The following THSD4 variants were observed in gnomAD, a reference collection of about 807,000 sequenced individuals.
The protein encoded by THSD4 is thrombospondin type 1 domain containing 4.
In THSD4, 69 loss-of-function variants were observed where a neutral mutation model predicts 119.0. That is an observed-to-expected ratio of 0.58 (90% CI 0.48 to 0.71). THSD4 has a LOEUF of 0.71. Among genes scored for constraint, THSD4 ranks in the 30% least tolerant of loss-of-function variants. The pLI, the probability that THSD4 is intolerant of heterozygous loss-of-function variation, is 0.00. For missense variants in THSD4, 1,393 were observed against 1,391.1 expected (o/e 1.00, Z -0.02); for synonymous variants, 524 against 540.4 (o/e 0.97, Z 0.42).
chr15:71,365,585 A>G (rs2045951019), intron 6 of THSD4, among the ~76,000 whole-genome samples: 1 of 152,166 alleles, frequency 6.6e-6, no homozygotes, highest in African/African-American at 2.4e-5. Flanking sequence ...AAATGAAAGG[A>G]GGTCTGTTCT....
chr15:71,668,398 G>A (rs563685553), intron 8 of THSD4, among the ~76,000 whole-genome samples: 6 of 152,286 alleles, frequency 3.9e-5, no homozygotes, highest in African/African-American at 1.4e-4. Context: ...GGGGGTCTGG[G>A]ATGAGAAGGG....
At chr15:71,131,338 A>G (rs911108316) in intron 1 of THSD4, among the ~76,000 whole-genome samples, 1 of 152,212 alleles carries the variant, frequency 6.6e-6, no homozygotes, top group East Asian at 1.9e-4. Flanking sequence ...AAAGCAAACG[A>G]AAACAAGGTC....
At chr15:71,373,452 A>G (rs2046086952) in intron 6 of THSD4, among the ~76,000 whole-genome samples, 1 of 152,010 alleles carries the variant, frequency 6.6e-6, no homozygotes, top group Non-Finnish European at 1.5e-5. Context: ...GGTCTAATAC[A>G]CAGGATATCC....
At chr15:71,251,534 C>T (rs113533547) in intron 5 of THSD4, among the ~76,000 whole-genome samples, 1,558 of 152,306 alleles carry the variant, frequency 0.01, 10 homozygotes, top group Middle Eastern at 0.02. Context: ...AGTGCAGGGA[C>T]ATTTTCTAGA....
intron 6 of THSD4, among the ~76,000 whole-genome samples, chr15:71,399,944 A>G (rs2046504603): frequency 6.6e-6 from 1 of 152,176 alleles, no homozygotes; most frequent in Admixed American, 6.5e-5. Flanking sequence ...TAGAAAATTG[A>G]GCCAATGATT....
intron 8 of THSD4, among the ~76,000 whole-genome samples, chr15:71,680,712 C>G (rs2051756100): frequency 6.6e-6 from 1 of 152,174 alleles, no homozygotes; most frequent in Non-Finnish European, 1.5e-5. Context: ...CTACTCTCAG[C>G]CACGCAGCTT....
chr15:71,490,658 G>A (rs2140697159), intron 7 of THSD4, among the ~76,000 whole-genome samples: 1 of 151,880 alleles, frequency 6.6e-6, no homozygotes, highest in South Asian at 2.1e-4. Flanking sequence ...GAACCCAGGA[G>A]GCGGATGTTG....
chr15:71,758,191 C>T, intron 15 of THSD4, 116 bp downstream of exon 15: 1 of 1,246,624 alleles, frequency 8.0e-7, no homozygotes, highest in Non-Finnish European at 1.1e-6. Context: ...AGCAGTGCCA[C>T]TGTCTATCTG....
intron 6 of THSD4, among the ~76,000 whole-genome samples, chr15:71,271,133 G>GA (rs1487992512): frequency 6.9e-6 from 1 of 145,956 alleles, no homozygotes; most frequent in Non-Finnish European, 1.5e-5. Flanking sequence ...CAAGAGAAAT[G>GA]AAAGTAATCG....
chr15:71,248,805 T>G (rs1346096724), intron 5 of THSD4, among the ~76,000 whole-genome samples: 1 of 152,184 alleles, frequency 6.6e-6, no homozygotes, highest in Non-Finnish European at 1.5e-5. Context: ...TAGTCTGATA[T>G]TGAATGAAAG....
intron 3 of THSD4, among the ~76,000 whole-genome samples, chr15:71,174,331 C>G (rs542684538): frequency 1.2e-3 from 188 of 152,010 alleles, no homozygotes; most frequent in African/African-American, 4.5e-3. Context: ...CTGGGAAGCG[C>G]AAGGGGTCAG....
chr15:71,371,429 T>A (rs1169132901), intron 6 of THSD4, among the ~76,000 whole-genome samples: 1 of 152,220 alleles, frequency 6.6e-6, no homozygotes, highest in Non-Finnish European at 1.5e-5. Context: ...GTTGTTCCTT[T>A]CCATGTTTAG....
intron 7 of THSD4, among the ~76,000 whole-genome samples, chr15:71,540,670 A>ACTG (rs1440148852): frequency 4.1e-5 from 5 of 121,960 alleles, no homozygotes; most frequent in African/African-American, 1.6e-4. Context: ...CTCATGATCC[A>ACTG]CCTGCCTCAG....
intron 6 of THSD4, among the ~76,000 whole-genome samples, chr15:71,370,544 G>C (rs1301094608): frequency 1.3e-5 from 2 of 152,190 alleles, no homozygotes; most frequent in Admixed American, 1.3e-4. Context: ...TATGTACCCA[G>C]TAGTCATTCA....
At chr15:71,208,025 A>C (rs1026545076) in intron 3 of THSD4, among the ~76,000 whole-genome samples, 1 of 152,262 alleles carries the variant, frequency 6.6e-6, no homozygotes, top group African/African-American at 2.4e-5. Context: ...TGGTCTCAGC[A>C]TAAACAGCAA....
At chr15:71,562,885 G>T (rs906396351) in intron 7 of THSD4, among the ~76,000 whole-genome samples, 22 of 151,700 alleles carry the variant, frequency 1.5e-4, no homozygotes, top group Non-Finnish European at 2.8e-4. Context: ...TGTATTTTTA[G>T]TAGAAACGGG....
intron 7 of THSD4, among the ~76,000 whole-genome samples, chr15:71,553,948 A>C (rs978627376): frequency 6.6e-6 from 1 of 151,948 alleles, no homozygotes; most frequent in Admixed American, 6.6e-5. Context: ...CTTCTTTTTA[A>C]ATAAGTGTTA....
At chr15:71,703,568 T>C (rs1376949969) in intron 8 of THSD4, among the ~76,000 whole-genome samples, 1 of 152,100 alleles carries the variant, frequency 6.6e-6, no homozygotes, top group Non-Finnish European at 1.5e-5. Context: ...GACAGGGTCT[T>C]ACATCGCACT....
At chr15:71,712,300 C>G (rs1410602876) in intron 8 of THSD4, among the ~76,000 whole-genome samples, 3 of 152,132 alleles carry the variant, frequency 2.0e-5, no homozygotes, top group Admixed American at 2.0e-4. Flanking sequence ...CTCACATGAA[C>G]TTAGAAAATA....
Sources: allele counts gnomAD v4.1 joint callset (sites outside exome capture counted in the v4.1 genomes callset), GRCh38; gene constraint gnomAD v4.1.1; transcripts MANE v1.5; gene names NCBI Gene and HGNC (gene_info 2026-07-23, HGNC 2026-07-21).